Variants in RABGAP1L observed in about 807,000 individuals in gnomAD.
RABGAP1L encodes rab GTPase-activating protein 1-like.
Under a neutral mutation model 137.7 loss-of-function variants are expected in RABGAP1L, and 63 were observed. The observed-to-expected ratio is 0.46, with a 90% CI of 0.37 to 0.56. The LOEUF (loss-of-function observed/expected upper bound fraction) is 0.56, where lower values mean the gene tolerates loss of function less well. Among genes scored for constraint, RABGAP1L ranks in the 20% least tolerant of loss-of-function variants. RABGAP1L has a pLI of 0.00. For synonymous variants in RABGAP1L, 431 were observed against 433.7 expected, an observed-to-expected ratio of 0.99 and a Z score of 0.08; for missense variants, 1,095 against 1,244.0, an observed-to-expected ratio of 0.88 and a Z score of 1.80.
intron 1 of RABGAP1L, among the ~76,000 whole-genome samples, chr1:174,202,482 A>G (rs1396382697): frequency 6.6e-6 from 1 of 152,130 alleles, no homozygotes; most frequent in African/African-American, 2.4e-5. Flanking sequence ...TCCTTCGCCT[A>G]CTTTTTGATG....
intron 5 of RABGAP1L, 36 bp from the exon 6 acceptor site, chr1:174,250,439 C>G (rs748684927): frequency 9.1e-6 from 14 of 1,542,696 alleles, no homozygotes; most frequent in Non-Finnish European, 1.2e-5. Flanking sequence ...CAATTAAAAC[C>G]TTTGCCTAAT....
At chr1:174,580,706 A>C (rs1025770134) in intron 13 of RABGAP1L, among the ~76,000 whole-genome samples, 1 of 152,236 alleles carries the variant, frequency 6.6e-6, no homozygotes, top group Admixed American at 6.5e-5. Flanking sequence ...GGTGCAGCGC[A>C]CCAACATGGC....
intron 19 of RABGAP1L, among the ~76,000 whole-genome samples, chr1:174,944,253 G>C (rs1254121636): frequency 6.9e-6 from 1 of 144,192 alleles, no homozygotes; most frequent in African/African-American, 2.6e-5. Flanking sequence ...TTCCAGCCTG[G>C]GCAACAGAAC....
At chr1:174,764,688 G>T (rs1354496012) in intron 18 of RABGAP1L, among the ~76,000 whole-genome samples, 1 of 152,172 alleles carries the variant, frequency 6.6e-6, no homozygotes, top group Non-Finnish European at 1.5e-5. Context: ...ATAGCTCATT[G>T]CAACCTCCAA....
intron 10 of RABGAP1L, among the ~76,000 whole-genome samples, chr1:174,294,088 A>G (rs1174391301): frequency 6.6e-6 from 1 of 152,150 alleles, no homozygotes; most frequent in African/African-American, 2.4e-5. Context: ...GGGGATTATA[A>G]TTATGCCACC....
chr1:174,892,763 CT>C (rs1216680121), intron 19 of RABGAP1L: 1 of 404,808 alleles, frequency 2.5e-6, no homozygotes, highest in Non-Finnish European at 4.7e-6. Context: ...GAGTTTTGCT[CT>C]TGTCGCCCAG....
chr1:174,410,692 C>T (rs1307142387), intron 13 of RABGAP1L, among the ~76,000 whole-genome samples: 1 of 152,020 alleles, frequency 6.6e-6, no homozygotes, highest in African/African-American at 2.4e-5. Flanking sequence ...CAGCTTTGTT[C>T]TTTTTGCTTA....
At chr1:174,929,378 G>C (rs1663351586) in intron 19 of RABGAP1L, among the ~76,000 whole-genome samples, 1 of 152,124 alleles carries the variant, frequency 6.6e-6, no homozygotes, top group Non-Finnish European at 1.5e-5. Context: ...TCAACTGTCA[G>C]CATTGAAGGA....
chr1:174,735,835 C>G (rs1682898861), intron 17 of RABGAP1L, among the ~76,000 whole-genome samples: 1 of 152,016 alleles, frequency 6.6e-6, no homozygotes, highest in Non-Finnish European at 1.5e-5. Flanking sequence ...TTTTAAGCAA[C>G]AAGATCTCAT....
intron 15 of RABGAP1L, among the ~76,000 whole-genome samples, chr1:174,689,807 A>T (rs542304895): frequency 6.6e-6 from 1 of 152,144 alleles, no homozygotes; most frequent in Non-Finnish European, 1.5e-5. Flanking sequence ...GAACACCATC[A>T]GCCCCTCCTA....
intron 18 of RABGAP1L, among the ~76,000 whole-genome samples, chr1:174,765,134 C>A (rs951491796): frequency 2.0e-5 from 3 of 152,154 alleles, no homozygotes; most frequent in Admixed American, 1.3e-4. Context: ...AGGAGACAAT[C>A]GAAACAATGA....
intron 10 of RABGAP1L, among the ~76,000 whole-genome samples, chr1:174,294,847 T>C (rs1432099401): frequency 6.6e-6 from 1 of 152,136 alleles, no homozygotes; most frequent in East Asian, 1.9e-4. Flanking sequence ...TTGTTGATGC[T>C]CTTGATTGAG....
At chr1:174,588,932 A>G (rs865922867) in intron 13 of RABGAP1L, among the ~76,000 whole-genome samples, 14 of 152,176 alleles carry the variant, frequency 9.2e-5, no homozygotes, top group African/African-American at 3.4e-4. Context: ...TATCTCTTCA[A>G]CATAGTGACC....
chr1:174,538,602 GT>G (rs886694746), intron 13 of RABGAP1L, among the ~76,000 whole-genome samples: 1 of 151,782 alleles, frequency 6.6e-6, no homozygotes, highest in Non-Finnish European at 1.5e-5. Context: ...CTATGACTTA[GT>G]TTTTTTTAAC....
intron 5 of RABGAP1L, among the ~76,000 whole-genome samples, chr1:174,243,622 C>T (rs1672013948): frequency 6.6e-6 from 1 of 152,120 alleles, no homozygotes; most frequent in Non-Finnish European, 1.5e-5. Context: ...CTGTGCTAAG[C>T]GTTCATTTGA....
At chr1:174,293,975 C>G (rs1351431842) in intron 10 of RABGAP1L, among the ~76,000 whole-genome samples, 1 of 151,860 alleles carries the variant, frequency 6.6e-6, no homozygotes, top group Non-Finnish European at 1.5e-5. Flanking sequence ...CCTTATCACC[C>G]TTATTGGAGT....
chr1:174,993,763 C>T lies in RABGAP1L; in HGVS notation c.*3762C>T, dbSNP rs1158310848. ...AAATGCCTTGGTTTTGTTTTATCTT[C>T]TGGGAAAGAACACTTTTACTTGATT... is the stretch of plus-strand genomic sequence containing the variant. On this transcript the variant is annotated 3_prime_UTR_variant, in exon 26 of 26. Transcript: ENST00000681986. 6.6e-6 allele frequency: 1 copy of T among 152,194 alleles called. No individual in the cohort carries two copies. Among genetic ancestry groups the T allele is most frequent in the African/African-American group, 2.4e-5 (1 of 41,442 alleles). The allele number at this position is 152,194 out of a possible 1,614,324, so 9.4% of individuals were successfully genotyped here. A position where few individuals can be genotyped will look rare whatever the true frequency, so the allele number is the denominator to read the frequency against.
chr1:174,467,033 C>T (rs1657380237), intron 13 of RABGAP1L, among the ~76,000 whole-genome samples: 1 of 152,144 alleles, frequency 6.6e-6, no homozygotes, highest in South Asian at 2.1e-4. Context: ...CAGCTGTAGT[C>T]ATTGTTGTTC....
intron 19 of RABGAP1L, among the ~76,000 whole-genome samples, chr1:174,854,621 G>T (rs1648934241): frequency 6.9e-6 from 1 of 144,256 alleles, no homozygotes; most frequent in East Asian, 2.0e-4. Flanking sequence ...TAAGCAAGCA[G>T]GAAATGAGTG....
Sources: allele counts gnomAD v4.1 joint callset (sites outside exome capture counted in the v4.1 genomes callset), GRCh38; gene constraint gnomAD v4.1.1; transcripts MANE v1.5; gene names NCBI Gene and HGNC (gene_info 2026-07-23, HGNC 2026-07-21).